CFAP299: variants seen among roughly 807,000 people sequenced by gnomAD.
CFAP299 encodes cilia and flagella associated protein 299.
In CFAP299, 21 loss-of-function variants were observed where a neutral mutation model predicts 27.0. The ratio of observed to expected loss-of-function variants is 0.78; its 90% CI spans 0.55 to 1.12. The LOEUF is 1.12. CFAP299 is among the 50% of genes most tolerant of loss of function. The pLI is 0.00. For synonymous variants in CFAP299, 104 were observed against 98.1 expected (o/e 1.06, Z -0.36); for missense variants, 310 against 276.6 (o/e 1.12, Z -0.86).
intron 5 of CFAP299, among the ~76,000 whole-genome samples, chr4:80,959,845 G>A (rs935539197): frequency 2.6e-5 from 4 of 151,526 alleles, no homozygotes; most frequent in African/African-American, 9.7e-5. Context: ...GAGGACATTT[G>A]GACATTTGAT....
At chr4:80,645,381 A>G (rs12643615) in intron 3 of CFAP299, among the ~76,000 whole-genome samples, 107,933 of 151,730 alleles carry the variant, frequency 0.71, 41,506 homozygotes, top group Non-Finnish European at 0.85. Context: ...TTTTAAATGG[A>G]AAATATTAAC....
chr4:80,504,710 C>T lies in CFAP299; in HGVS notation c.243-78383C>T, dbSNP rs574755870. 2.0e-5 allele frequency among the ~76,000 whole-genome samples: 3 copies of T among 146,530 alleles called. No homozygotes were observed. In the South Asian group the frequency reaches 6.4e-4, roughly 31 times the overall value. On this transcript the variant is annotated intron_variant, in intron 2 of 5. Transcript: ENST00000358105. ...TTAAAAAAAACACTGTAGAAGTGAG[C>T]GATTATGTGGCATTTGTAGTGAGGT...
chr4:80,481,600 G>A (rs1054050569), intron 2 of CFAP299, among the ~76,000 whole-genome samples: 1 of 151,886 alleles, frequency 6.6e-6, no homozygotes, highest in African/African-American at 2.4e-5. Flanking sequence ...TTTTAAAACT[G>A]GAAGGGAGCT....
chr4:80,551,548 A>C (rs1170569914), intron 2 of CFAP299, among the ~76,000 whole-genome samples: 1 of 152,188 alleles, frequency 6.6e-6, no homozygotes, highest in Non-Finnish European at 1.5e-5. Flanking sequence ...TTCAAAGTCC[A>C]GATATCAACT....
intron 2 of CFAP299, among the ~76,000 whole-genome samples, chr4:80,542,297 A>T (rs1162843322): frequency 6.6e-6 from 1 of 152,140 alleles, no homozygotes; most frequent in African/African-American, 2.4e-5. Flanking sequence ...CTATCATGGG[A>T]CATCACCTTG....
intron 3 of CFAP299, among the ~76,000 whole-genome samples, chr4:80,631,215 A>C (rs1739186636): frequency 6.6e-6 from 1 of 152,084 alleles, no homozygotes; most frequent in Non-Finnish European, 1.5e-5. Flanking sequence ...GGTGGTAAAT[A>C]AGTAACCTTT....
intron 4 of CFAP299, among the ~76,000 whole-genome samples, chr4:80,877,713 G>A (rs1196908585): frequency 6.6e-6 from 1 of 152,094 alleles, no homozygotes; most frequent in Non-Finnish European, 1.5e-5. Flanking sequence ...CGTTTAAAGT[G>A]TACAGTTGAG....
chr4:80,409,561 A>G (rs965869374), intron 2 of CFAP299, among the ~76,000 whole-genome samples: 2 of 152,200 alleles, frequency 1.3e-5, no homozygotes, highest in Non-Finnish European at 2.9e-5. Flanking sequence ...CATGAAGAAA[A>G]CATGTTTTTA....
chr4:80,542,037 T>TA (rs1451126727), intron 2 of CFAP299, among the ~76,000 whole-genome samples: 1 of 151,972 alleles, frequency 6.6e-6, no homozygotes, highest in Non-Finnish European at 1.5e-5. Context: ...TCCAAAGTAG[T>TA]TTGCTTGTTG....
rs776727256 is a variant in CFAP299, at chr4:80,870,088, CTACTT to C, written c.434_438del (p.Phe145TrpfsTer20). ...GGCTAAAGACGGAAGATTTTGAAGT[CTACTT>C]TACTGGAAAAAAAAGACTTCTTCCA... On this transcript the variant is annotated frameshift_variant, in exon 4 of 6. Coordinates refer to ENST00000358105, the MANE Select transcript of CFAP299 (RefSeq NM_152770.3). LOFTEE classifies it high-confidence loss of function. 1 of 1,613,310 alleles carries C rather than the reference CTACTT, an allele frequency of 6.2e-7. No individual in the cohort carries two copies. Among genetic ancestry groups the C allele is most frequent in the South Asian group, 1.1e-5 (1 of 90,986 alleles).
intron 2 of CFAP299, among the ~76,000 whole-genome samples, chr4:80,402,035 A>G (rs1726188946): frequency 6.6e-6 from 1 of 152,064 alleles, no homozygotes. Context: ...TGGCCAATTT[A>G]TCCCATTTGG....
At chr4:80,801,468 A>C (rs183084617) in intron 3 of CFAP299, among the ~76,000 whole-genome samples, 78 of 152,232 alleles carry the variant, frequency 5.1e-4, no homozygotes, top group African/African-American at 1.8e-3. Context: ...ATGCATTGCC[A>C]ATCATTACTA....
chr4:80,515,545 T>C (rs935946883), intron 2 of CFAP299, among the ~76,000 whole-genome samples: 5 of 152,334 alleles, frequency 3.3e-5, no homozygotes, highest in African/African-American at 1.2e-4. Context: ...CATTTATGTT[T>C]AGTTTACATG....
intron 2 of CFAP299, among the ~76,000 whole-genome samples, chr4:80,541,718 C>G (rs983139903): frequency 6.6e-6 from 1 of 152,120 alleles, no homozygotes; most frequent in Non-Finnish European, 1.5e-5. Context: ...GATATTCTTG[C>G]TCTCACTAGA....
At chr4:80,606,128 G>C (rs1201271172) in intron 3 of CFAP299, among the ~76,000 whole-genome samples, 1 of 152,146 alleles carries the variant, frequency 6.6e-6, no homozygotes, top group Non-Finnish European at 1.5e-5. Flanking sequence ...ACAAGTCAGT[G>C]GTGGTATGTA....
chr4:80,342,859 C>T (rs1346573661), intron 1 of CFAP299, among the ~76,000 whole-genome samples: 1 of 152,032 alleles, frequency 6.6e-6, no homozygotes. Flanking sequence ...CTAAATGCTC[C>T]AATTAAAAGA....
intron 3 of CFAP299, among the ~76,000 whole-genome samples, chr4:80,771,658 G>A (rs780475740): frequency 6.6e-6 from 1 of 152,088 alleles, no homozygotes; most frequent in African/African-American, 2.4e-5. Context: ...CTAGGTAGTG[G>A]GGACCCATGC....
At chr4:80,934,083 T>C (rs147541703) in intron 4 of CFAP299, among the ~76,000 whole-genome samples, 5 of 152,286 alleles carry the variant, frequency 3.3e-5, no homozygotes, top group East Asian at 3.9e-4. Context: ...ATGGCCTTTA[T>C]TGTGTTGAAG....
chr4:80,495,289 G>A (rs77914866), intron 2 of CFAP299, among the ~76,000 whole-genome samples: 3 of 151,858 alleles, frequency 2.0e-5, no homozygotes, highest in African/African-American at 7.3e-5. Flanking sequence ...AGCAAAAAAG[G>A]TGTGTAGCAA....
Sources: allele counts gnomAD v4.1 joint callset (sites outside exome capture counted in the v4.1 genomes callset), GRCh38; gene constraint gnomAD v4.1.1; transcripts MANE v1.5; gene names NCBI Gene and HGNC (gene_info 2026-07-23, HGNC 2026-07-21).